Variants in SPOCK1 observed in about 807,000 individuals in gnomAD.
SPOCK1 encodes the protein SPARC (osteonectin), cwcv and kazal like domains proteoglycan 1.
A neutral mutation model predicts 55.3 loss-of-function variants in SPOCK1; 23 were observed. The ratio of observed to expected loss-of-function variants is 0.42; its 90% CI spans 0.30 to 0.59. The LOEUF is 0.59. Among genes scored for constraint, SPOCK1 ranks in the 20% least tolerant of loss-of-function variants. SPOCK1 has a pLI of 0.22. For missense variants in SPOCK1, 499 were observed against 552.5 expected, an observed-to-expected ratio of 0.90 and a Z score of 0.97; for synonymous variants, 226 against 221.0, an observed-to-expected ratio of 1.02 and a Z score of -0.20.
intron 6 of SPOCK1, among the ~76,000 whole-genome samples, chr5:137,022,480 C>T (rs1751595667): frequency 6.6e-6 from 1 of 152,088 alleles, no homozygotes; most frequent in South Asian, 2.1e-4. Context: ...AAGATCGGGG[C>T]AGTTTGTTAC....
At chr5:137,171,158 T>C (rs894370489) in intron 3 of SPOCK1, among the ~76,000 whole-genome samples, 8 of 152,148 alleles carry the variant, frequency 5.3e-5, no homozygotes, top group African/African-American at 1.9e-4. Flanking sequence ...CGAGACTACA[T>C]GCTCATCACT....
intron 6 of SPOCK1, among the ~76,000 whole-genome samples, chr5:137,010,045 A>G (rs1038554407): frequency 1.3e-4 from 20 of 152,082 alleles, no homozygotes; most frequent in African/African-American, 4.6e-4. Flanking sequence ...CCATCCAAGA[A>G]GAGTCTACCT....
intron 2 of SPOCK1, among the ~76,000 whole-genome samples, chr5:137,355,393 T>C (rs1055340446): frequency 6.6e-6 from 1 of 152,094 alleles, no homozygotes; most frequent in African/African-American, 2.4e-5. Context: ...CTCACTATGT[T>C]ACCCAAGCTG....
chr5:137,319,947 G>C (rs865872835), intron 2 of SPOCK1, among the ~76,000 whole-genome samples: 3 of 48,848 alleles, frequency 6.1e-5, no homozygotes. Flanking sequence ...GCGAGACTCC[G>C]TCTCAAAAAA....
At chr5:137,302,579 AAAATAAATAAATAAATAAATAAATAAAT>A (rs56375242) in intron 2 of SPOCK1, among the ~76,000 whole-genome samples, 1 of 141,138 alleles carries the variant, frequency 7.1e-6, no homozygotes, top group South Asian at 2.3e-4. Context: ...TCCATCTCAA[AAAATAAATAAATAAATAAATAAATAAAT>A]AAATAAATAA....
At chr5:137,004,965 GA>G (rs1261315231) in intron 6 of SPOCK1, among the ~76,000 whole-genome samples, 1 of 152,186 alleles carries the variant, frequency 6.6e-6, no homozygotes, top group East Asian at 1.9e-4. Flanking sequence ...AGGGAAGGAA[GA>G]AAAGAGCAAA....
chr5:137,123,541 A>T (rs769266399), intron 4 of SPOCK1, among the ~76,000 whole-genome samples: 15 of 152,190 alleles, frequency 9.9e-5, no homozygotes, highest in Non-Finnish European at 2.1e-4. Context: ...CAGCACAGGG[A>T]GTAGTAAGCC....
In SPOCK1 at chr5:137,112,711, C is replaced by T. The variant is rs1753499456; in HGVS notation, c.348-150G>A. On this transcript the variant is annotated intron_variant, in intron 4 of 10. Transcript: ENST00000394945. Reference sequence around the variant, plus strand: ...GGGCCTTAGCCAGCACTTCCATTTGCTCCAACTCATTGATAGGAAGCAGAG... The same window carrying T: ...GGGCCTTAGCCAGCACTTCCATTTGTTCCAACTCATTGATAGGAAGCAGAG... 7 of 944,640 alleles carry T rather than the reference C, an allele frequency of 7.4e-6. No individual in the cohort carries two copies. In the South Asian group the frequency reaches 1.4e-4, roughly 19 times the overall value. The allele number at this position is 944,640 out of a possible 1,614,324, so 58.5% of individuals were successfully genotyped here.
chr5:137,397,481 T>C (rs1300055618), intron 2 of SPOCK1, among the ~76,000 whole-genome samples: 1 of 152,214 alleles, frequency 6.6e-6, no homozygotes, highest in Non-Finnish European at 1.5e-5. Context: ...AAGTCTGTCC[T>C]TCTCTTCACC....
chr5:137,328,344 C>A (rs1393589470), intron 2 of SPOCK1, among the ~76,000 whole-genome samples: 2 of 152,130 alleles, frequency 1.3e-5, no homozygotes, highest in African/African-American at 4.8e-5. Context: ...GCAAGGATGA[C>A]CTATGCCCTC....
chr5:137,150,390 C>T (rs17720382), intron 3 of SPOCK1, among the ~76,000 whole-genome samples: 33,932 of 151,986 alleles, frequency 0.22, 4,312 homozygotes, highest in Non-Finnish European at 0.28. Flanking sequence ...AAGTTTTGGG[C>T]ACTAGGTTCA....
chr5:137,199,003 A>G (rs1755357528), intron 3 of SPOCK1, among the ~76,000 whole-genome samples: 1 of 152,238 alleles, frequency 6.6e-6, no homozygotes, highest in African/African-American at 2.4e-5. Context: ...TGATGCTGCC[A>G]TAACCGTTTG....
intron 2 of SPOCK1, among the ~76,000 whole-genome samples, chr5:137,273,078 TGTCA>T (rs1561490292): frequency 6.6e-6 from 1 of 152,184 alleles, no homozygotes; most frequent in Non-Finnish European, 1.5e-5. Context: ...AAAATAACAA[TGTCA>T]GTTGCTCTGC....
chr5:137,282,410 C>T (rs529458391), intron 2 of SPOCK1, among the ~76,000 whole-genome samples: 122 of 152,334 alleles, frequency 8.0e-4, no homozygotes, highest in South Asian at 3.1e-3. Flanking sequence ...CAAGCAAACA[C>T]GCATGTGTGA....
chr5:137,272,406 G>A (rs1756981711), intron 2 of SPOCK1, among the ~76,000 whole-genome samples: 1 of 152,118 alleles, frequency 6.6e-6, no homozygotes, highest in African/African-American at 2.4e-5. Flanking sequence ...CTGTAATTTT[G>A]TGTGCAATGG....
intron 3 of SPOCK1, among the ~76,000 whole-genome samples, chr5:137,151,513 G>T (rs1284520952): frequency 1.3e-5 from 2 of 152,194 alleles, no homozygotes; most frequent in Non-Finnish European, 2.9e-5. Context: ...GTCCTAGAAT[G>T]AAGTGGTAAG....
At chr5:137,335,069 A>G (rs1417035986) in intron 2 of SPOCK1, among the ~76,000 whole-genome samples, 1 of 152,208 alleles carries the variant, frequency 6.6e-6, no homozygotes, top group African/African-American at 2.4e-5. Flanking sequence ...GGTACAAGTG[A>G]GATCTCAGGA....
intron 2 of SPOCK1, among the ~76,000 whole-genome samples, chr5:137,477,299 C>T (rs1224639826): frequency 6.6e-6 from 1 of 152,066 alleles, no homozygotes; most frequent in Non-Finnish European, 1.5e-5. Flanking sequence ...GACAGGATTA[C>T]AGGTTTTTTT....
intron 3 of SPOCK1, among the ~76,000 whole-genome samples, chr5:137,263,625 T>G (rs1308897294): frequency 6.6e-6 from 1 of 152,202 alleles, no homozygotes; most frequent in Non-Finnish European, 1.5e-5. Flanking sequence ...AGTGTCTTTC[T>G]TTGTGGACTT....
Sources: gnomAD v4.1 joint callset for allele counts (sites outside exome capture counted in the v4.1 genomes callset) on GRCh38, gnomAD v4.1.1 for gene constraint, MANE v1.5 for transcripts, NCBI Gene and HGNC (gene_info 2026-07-23, HGNC 2026-07-21) for gene names.